ADCY2: variants seen among roughly 807,000 people sequenced by gnomAD.
The protein encoded by ADCY2 is adenylate cyclase 2, also known as adenylate cyclase type 2.
A neutral mutation model predicts 125.2 loss-of-function variants in ADCY2; 31 were observed. The observed-to-expected ratio is 0.25, with a 90% CI of 0.19 to 0.33. The LOEUF is 0.33. Among genes scored for constraint, ADCY2 ranks in the 10% least tolerant of loss-of-function variants. The probability of loss-of-function intolerance (pLI) is 1.00; values close to 1 mark genes in which losing one functional copy is unlikely to be tolerated. For synonymous variants in ADCY2, 512 were observed against 548.4 expected, an observed-to-expected ratio of 0.93 and a Z score of 0.93; for missense variants, 904 against 1,418.2, an observed-to-expected ratio of 0.64 and a Z score of 5.82.
At chr5:7,452,273 A>T (rs1249960679) in intron 2 of ADCY2, among the ~76,000 whole-genome samples, 1 of 152,030 alleles carries the variant, frequency 6.6e-6, no homozygotes, top group Non-Finnish European at 1.5e-5. Context: ...CTGAGTTTCC[A>T]ATGTGCATTA....
intron 2 of ADCY2, among the ~76,000 whole-genome samples, chr5:7,498,249 T>TG (rs1561058133): frequency 7.3e-6 from 1 of 136,698 alleles, no homozygotes; most frequent in Non-Finnish European, 1.6e-5. Flanking sequence ...GTTTTTTTTT[T>TG]TTTTTTTTTT....
At chr5:7,431,508 A>G (rs1290842994) in intron 2 of ADCY2, among the ~76,000 whole-genome samples, 2 of 136,470 alleles carry the variant, frequency 1.5e-5, no homozygotes, top group South Asian at 2.5e-4. Flanking sequence ...TGAATATAAC[A>G]CACAAAAAGG....
intron 2 of ADCY2, among the ~76,000 whole-genome samples, chr5:7,516,225 AAT>A (rs1437795396): frequency 6.6e-6 from 1 of 152,192 alleles, no homozygotes; most frequent in African/African-American, 2.4e-5. Flanking sequence ...AAAAGTAAAT[AAT>A]ATATTTGTGA....
chr5:7,813,237 G>A (rs1310680893), intron 22 of ADCY2, among the ~76,000 whole-genome samples: 2 of 152,158 alleles, frequency 1.3e-5, no homozygotes, highest in Non-Finnish European at 2.9e-5. Context: ...AACACCAGAA[G>A]TTTTTCAGCA....
intron 3 of ADCY2, among the ~76,000 whole-genome samples, chr5:7,523,510 G>A (rs1334305389): frequency 6.6e-6 from 1 of 152,146 alleles, no homozygotes; most frequent in East Asian, 1.9e-4. Flanking sequence ...AGAATAACAT[G>A]AAGTCCATTT....
intron 2 of ADCY2, among the ~76,000 whole-genome samples, chr5:7,416,747 C>T (rs1739962971): frequency 6.6e-6 from 1 of 152,116 alleles, no homozygotes; most frequent in Non-Finnish European, 1.5e-5. Flanking sequence ...TCTCCCCCAG[C>T]AGCCTAGACA....
chr5:7,763,303 A>G (rs1456835266), intron 16 of ADCY2, among the ~76,000 whole-genome samples: 14 of 151,764 alleles, frequency 9.2e-5, no homozygotes, highest in South Asian at 6.2e-4. Flanking sequence ...ATGTTAGCCA[A>G]GATGGTCTCG....
chr5:7,485,195 C>T (rs1220863949), intron 2 of ADCY2, among the ~76,000 whole-genome samples: 2 of 152,064 alleles, frequency 1.3e-5, no homozygotes, highest in Non-Finnish European at 2.9e-5. Context: ...ATAGATATGG[C>T]TATGCAGACA....
At chr5:7,607,478 G>A (rs181994097) in intron 3 of ADCY2, among the ~76,000 whole-genome samples, 52 of 152,250 alleles carry the variant, frequency 3.4e-4, no homozygotes, top group African/African-American at 1.0e-3. Flanking sequence ...CTCCAGGCCC[G>A]TGTGCATCTT....
chr5:7,456,225 A>T (rs1381091907), intron 2 of ADCY2, among the ~76,000 whole-genome samples: 1 of 152,212 alleles, frequency 6.6e-6, no homozygotes, highest in Non-Finnish European at 1.5e-5. Flanking sequence ...TCATTTTAAA[A>T]GTAAAAGTCA....
At chr5:7,510,965 G>T (rs1409674371) in intron 2 of ADCY2, among the ~76,000 whole-genome samples, 1 of 152,192 alleles carries the variant, frequency 6.6e-6, no homozygotes, top group Non-Finnish European at 1.5e-5. Context: ...TAACACGTGT[G>T]TGCAGCACCT....
At chr5:7,712,332 C>T (rs1055250258) in intron 10 of ADCY2, among the ~76,000 whole-genome samples, 5 of 152,200 alleles carry the variant, frequency 3.3e-5, no homozygotes, top group Admixed American at 6.6e-5. Flanking sequence ...GAACTACCAG[C>T]GCTCCTTTGC....
chr5:7,758,403 T>C (rs968200709), intron 16 of ADCY2, among the ~76,000 whole-genome samples: 1 of 152,198 alleles, frequency 6.6e-6, no homozygotes, highest in South Asian at 2.1e-4. Context: ...ATGCTTCCTG[T>C]AGTGGAGGCT....
In ADCY2 at chr5:7,424,145, A is replaced by G. The variant is rs1026226739; in HGVS notation, c.408+9375A>G. 1.1e-4 allele frequency among the ~76,000 whole-genome samples: 16 copies of G among 152,350 alleles called. No individual in the cohort carries two copies. In the East Asian group the frequency reaches 2.9e-3, roughly 27 times the overall value. ...TTCCCAGTGCACAACACAGCACCACACACGTAGTGATCACATCGCAAAAAT... is the reference window on the plus strand; with the variant it reads ...TTCCCAGTGCACAACACAGCACCACGCACGTAGTGATCACATCGCAAAAAT... On this transcript the variant is annotated intron_variant, in intron 2 of 24. Coordinates refer to ENST00000338316, the MANE Select transcript of ADCY2 (RefSeq NM_020546.3).
At chr5:7,762,226 G>A (rs1361250546) in intron 16 of ADCY2, among the ~76,000 whole-genome samples, 5 of 152,208 alleles carry the variant, frequency 3.3e-5, no homozygotes, top group Non-Finnish European at 7.3e-5. Context: ...TGCTCCTCTT[G>A]TACTTATGTC....
At chr5:7,767,715 T>C (rs1743429995) in intron 17 of ADCY2, among the ~76,000 whole-genome samples, 1 of 152,122 alleles carries the variant, frequency 6.6e-6, no homozygotes, top group African/African-American at 2.4e-5. Flanking sequence ...CTTGGGAAGC[T>C]CACAGCTCCA....
intron 3 of ADCY2, among the ~76,000 whole-genome samples, chr5:7,568,260 G>A (rs758253686): frequency 2.0e-5 from 3 of 152,060 alleles, no homozygotes; most frequent in Non-Finnish European, 4.4e-5. Flanking sequence ...TATATTAACT[G>A]ATTTAAATAT....
At chr5:7,520,959 A>C (rs749573489) in intron 3 of ADCY2, 60 bp downstream of exon 3, 1 of 1,598,388 alleles carries the variant, frequency 6.3e-7, no homozygotes, top group Admixed American at 1.7e-5. Flanking sequence ...GGGGTGAGGC[A>C]GGTGCTGCTG....
At chr5:7,747,749 C>A (rs573672882) in intron 15 of ADCY2, among the ~76,000 whole-genome samples, 1 of 152,332 alleles carries the variant, frequency 6.6e-6, no homozygotes, top group South Asian at 2.1e-4. Context: ...CCGGGATTCC[C>A]ATTTTGCGTT....
Sources: gnomAD v4.1 joint callset for allele counts (sites outside exome capture counted in the v4.1 genomes callset) on GRCh38, gnomAD v4.1.1 for gene constraint, MANE v1.5 for transcripts, NCBI Gene and HGNC (gene_info 2026-07-23, HGNC 2026-07-21) for gene names.